The following CCDC169 variants were observed in gnomAD, a reference collection of about 807,000 sequenced individuals.
CCDC169 encodes the protein coiled-coil domain-containing protein 169.
A neutral mutation model predicts 36.0 loss-of-function variants in CCDC169; 30 were observed. The observed-to-expected ratio is 0.83, with a 90% CI of 0.62 to 1.13. CCDC169 has a LOEUF of 1.13. CCDC169 is among the 50% of genes most tolerant of loss of function. The probability of loss-of-function intolerance (pLI) is 0.00; values close to 1 mark genes in which losing one functional copy is unlikely to be tolerated. For missense variants in CCDC169, 245 were observed against 245.9 expected, an observed-to-expected ratio of 1.00 and a Z score of 0.03; for synonymous variants, 85 against 81.5, an observed-to-expected ratio of 1.04 and a Z score of -0.23.
downstream of CCDC169, chr13:36,223,528 C>T (rs1025876790): frequency 1.3e-5 from 2 of 152,094 alleles, no homozygotes; most frequent in African/African-American, 4.8e-5. Context: ...AAATAATGCC[C>T]TACTGTCAAA....
intron 4 of CCDC169, among the ~76,000 whole-genome samples, chr13:36,260,854 C>T (rs993047467): frequency 2.6e-5 from 4 of 152,174 alleles, no homozygotes; most frequent in East Asian, 1.9e-4. Flanking sequence ...GCCTCCTACC[C>T]CCATCTGTTT....
At chr13:36,283,439 T>G in intron 4 of CCDC169, 30 bp downstream of exon 4, 1 of 1,532,346 alleles carries the variant, frequency 6.5e-7, no homozygotes, top group Non-Finnish European at 8.8e-7. Context: ...CCTTCAATTA[T>G]TCTTTGTGTT....
intron 2 of CCDC169, among the ~76,000 whole-genome samples, chr13:36,285,242 T>C (rs1423479568): frequency 6.6e-6 from 1 of 152,166 alleles, no homozygotes; most frequent in Non-Finnish European, 1.5e-5. Flanking sequence ...AATCATCAAA[T>C]TTAATTATCA....
At chr13:36,273,264 T>C in intron 4 of CCDC169, among the ~76,000 whole-genome samples, 1 of 152,202 alleles carries the variant, frequency 6.6e-6, no homozygotes, top group East Asian at 1.9e-4. Context: ...CAACTTCACC[T>C]ATTTTGGTGA....
intron 4 of CCDC169, among the ~76,000 whole-genome samples, chr13:36,259,252 C>G (rs1874315400): frequency 6.6e-6 from 1 of 152,092 alleles, no homozygotes; most frequent in Admixed American, 6.5e-5. Context: ...CCTGTCTCCC[C>G]CTCAGAGCCA....
chr13:36,261,786 G>T (rs184600155), intron 4 of CCDC169, among the ~76,000 whole-genome samples: 280 of 152,254 alleles, frequency 1.8e-3, no homozygotes, highest in Non-Finnish European at 3.2e-3. Flanking sequence ...GATTAGACTT[G>T]CCTCCAGAGC....
chr13:36,228,367 G>C (rs748696800), downstream of CCDC169, among the ~76,000 whole-genome samples: 1 of 151,782 alleles, frequency 6.6e-6, no homozygotes, highest in Non-Finnish European at 1.5e-5. Flanking sequence ...TTTTAAAAAT[G>C]GTATGTCTTG....
intron 4 of CCDC169, among the ~76,000 whole-genome samples, chr13:36,255,839 G>A (rs1473601149): frequency 6.6e-6 from 1 of 152,078 alleles, no homozygotes; most frequent in African/African-American, 2.4e-5. Flanking sequence ...GGAACTTGTG[G>A]CCAGGACGCT....
intron 7 of CCDC169, among the ~76,000 whole-genome samples, chr13:36,236,852 T>C (rs1369245645): frequency 1.3e-5 from 2 of 152,058 alleles, no homozygotes; most frequent in South Asian, 4.1e-4. Context: ...CATCCAAGGG[T>C]GATTGGTTCC....
At chr13:36,224,760 A>C (rs1869774856), downstream of CCDC169, 1 of 152,186 alleles carries the variant, frequency 6.6e-6, no homozygotes, top group Non-Finnish European at 1.5e-5. Flanking sequence ...CAAACTACTA[A>C]CATCATTTTT....
intron 1 of CCDC169, 31 bp downstream of exon 1, chr13:36,297,606 G>A: frequency 6.5e-7 from 1 of 1,541,700 alleles, no homozygotes; most frequent in South Asian, 1.2e-5. Flanking sequence ...GGTGTGGACG[G>A]GACCCCACAC....
chr13:36,283,731 G>T (rs1473296293), intron 2 of CCDC169, 29 bp from the exon 3 acceptor site: 3 of 1,454,754 alleles, frequency 2.1e-6, no homozygotes, highest in Admixed American at 3.9e-5. Context: ...AAACAATCAA[G>T]ATCACCCCAC....
intron 2 of CCDC169, among the ~76,000 whole-genome samples, chr13:36,286,624 CTCTT>C (rs1878290996): frequency 6.6e-6 from 1 of 152,130 alleles, no homozygotes; most frequent in African/African-American, 2.4e-5. Flanking sequence ...CTTTCTCTCT[CTCTT>C]TCCCCTTTTT....
At chr13:36,275,622 C>T (rs1483614712) in intron 4 of CCDC169, among the ~76,000 whole-genome samples, 1 of 152,062 alleles carries the variant, frequency 6.6e-6, no homozygotes, top group Non-Finnish European at 1.5e-5. Flanking sequence ...ATTTTAATGA[C>T]TGGTTATCAG....
At chr13:36,259,370 G>T (rs969390998) in intron 4 of CCDC169, among the ~76,000 whole-genome samples, 1 of 152,146 alleles carries the variant, frequency 6.6e-6, no homozygotes, top group East Asian at 1.9e-4. Flanking sequence ...AGTTGTCCAA[G>T]TTCTTGGTGT....
At chr13:36,272,320 T>A (rs1876195807) in intron 4 of CCDC169, among the ~76,000 whole-genome samples, 1 of 151,618 alleles carries the variant, frequency 6.6e-6, no homozygotes, top group South Asian at 2.1e-4. Flanking sequence ...AACAATGGAG[T>A]CCCATGTTTC....
At chr13:36,227,638 G>C, downstream of CCDC169, among the ~76,000 whole-genome samples, 1 of 152,068 alleles carries the variant, frequency 6.6e-6, no homozygotes, top group East Asian at 1.9e-4. Flanking sequence ...AAATGTTAAT[G>C]TATATTTAAC....
At chr13:36,248,933 C>A (rs559311964) in intron 6 of CCDC169, among the ~76,000 whole-genome samples, 3 of 151,976 alleles carry the variant, frequency 2.0e-5, no homozygotes, top group Admixed American at 2.0e-4. Flanking sequence ...ACTGTGAAAA[C>A]CATATCACCT....
intron 4 of CCDC169, among the ~76,000 whole-genome samples, chr13:36,275,369 C>A (rs1329531118): frequency 6.6e-6 from 1 of 152,004 alleles, no homozygotes; most frequent in East Asian, 1.9e-4. Flanking sequence ...ATACCAAATG[C>A]CCCCTTGTGG....
Sources: gnomAD v4.1 joint callset for allele counts (sites outside exome capture counted in the v4.1 genomes callset) on GRCh38, gnomAD v4.1.1 for gene constraint, MANE v1.5 for transcripts, NCBI Gene and HGNC (gene_info 2026-07-23, HGNC 2026-07-21) for gene names.